FGF14: variants seen among roughly 807,000 people sequenced by gnomAD.
FGF14 encodes fibroblast growth factor homologous factor 4.
FGF14 carries 5 observed loss-of-function variants against 25.5 expected under a neutral mutation model. The ratio of observed to expected loss-of-function variants is 0.20; its 90% confidence interval spans 0.10 to 0.41. The LOEUF is 0.41. Ranked by LOEUF, FGF14 falls within the 10% of genes least tolerant of loss-of-function variation. The pLI is 1.00. For missense variants in FGF14, 222 were observed against 320.1 expected, an observed-to-expected ratio of 0.69 and a Z score of 2.34; for synonymous variants, 138 against 118.3, an observed-to-expected ratio of 1.17 and a Z score of -1.08.
chr13:102,378,140 A>G (rs1041237707), intron 1 of FGF14, among the ~76,000 whole-genome samples: 4 of 152,180 alleles, frequency 2.6e-5, no homozygotes, highest in African/African-American at 9.7e-5. Flanking sequence ...TACATTATAT[A>G]TTTGTCTAAA....
chr13:102,369,504 G>T (rs2057813919), intron 1 of FGF14, among the ~76,000 whole-genome samples: 1 of 152,188 alleles, frequency 6.6e-6, no homozygotes, highest in Non-Finnish European at 1.5e-5. Context: ...TCGATGCTGA[G>T]TCATGGTGAC....
intron 1 of FGF14, among the ~76,000 whole-genome samples, chr13:102,161,662 A>AT (rs1566765427): frequency 0.044 from 1,127 of 25,692 alleles, 70 homozygotes; most frequent in East Asian, 0.14. Context: ...GAAGAAGAAG[A>AT]AGAAGAAGAA....
At chr13:101,731,732 A>G (rs900137627) in intron 3 of FGF14, among the ~76,000 whole-genome samples, 1 of 152,188 alleles carries the variant, frequency 6.6e-6, no homozygotes, top group Non-Finnish European at 1.5e-5. Flanking sequence ...CTCAGAATTG[A>G]AAGTGACCTT....
intron 1 of FGF14, among the ~76,000 whole-genome samples, chr13:101,942,673 T>C (rs2035532360): frequency 6.6e-6 from 1 of 152,196 alleles, no homozygotes; most frequent in South Asian, 2.1e-4. Flanking sequence ...CAGATTATCA[T>C]TTTACTCTGA....
chr13:102,081,298 T>C lies in FGF14; in HGVS notation c.209-206002A>G, dbSNP rs886960141. Reference sequence around the variant, plus strand: ...GGCACAAATCCCTTGAAACTCTGAGTAGATGCCTGAGGTGTTTAAGAATGT... The same window carrying C: ...GGCACAAATCCCTTGAAACTCTGAGCAGATGCCTGAGGTGTTTAAGAATGT... On this transcript the variant is annotated intron_variant, in intron 1 of 4. Coordinates refer to the FGF14 transcript ENST00000376131. 4.6e-5 allele frequency among the ~76,000 whole-genome samples: 7 copies of C among 152,154 alleles called. No homozygotes were observed. The East Asian group carries it at 1.3e-3, about 29-fold the overall frequency.
intron 1 of FGF14, among the ~76,000 whole-genome samples, chr13:102,068,215 A>C (rs1370116068): frequency 1.3e-5 from 2 of 152,232 alleles, no homozygotes; most frequent in African/African-American, 4.8e-5. Context: ...AAACATCTGA[A>C]ATAAACAATC....
At chr13:101,928,834 T>G (rs2034551471) in intron 1 of FGF14, among the ~76,000 whole-genome samples, 1 of 119,922 alleles carries the variant, frequency 8.3e-6, no homozygotes, top group South Asian at 2.4e-4. Flanking sequence ...AGAGCATTTC[T>G]GGAACATGGC....
Position 101,721,664 on chromosome 13 carries a change from A to AAT in FGF14, c.*1165_*1166dup, listed in dbSNP as rs1173214561. The AAT allele has an allele frequency of 2.6e-5, 4 of 151,802 alleles. No homozygotes were observed. The highest frequency in any genetic ancestry group is 9.7e-5 in the African/African-American group (4 of 41,140). 9.4% of individuals were successfully genotyped at this position (151,802 alleles called of 1,614,324 possible). On this transcript the variant is annotated 3_prime_UTR_variant, in exon 5 of 5. Coordinates refer to ENST00000376143, the MANE Select transcript of FGF14 (RefSeq NM_004115.4). ...ACACCAAAAATATTAAAGTCTAATT[A>AAT]ATTTATAACTAACGTTTGCATTGCT...
intron 3 of FGF14, among the ~76,000 whole-genome samples, chr13:101,741,601 A>G (rs1056315731): frequency 6.6e-6 from 1 of 151,354 alleles, no homozygotes; most frequent in Admixed American, 6.6e-5. Flanking sequence ...CTAAACCTTT[A>G]AAAATAGTTG....
chr13:102,238,492 C>T (rs2051433716), intron 1 of FGF14, among the ~76,000 whole-genome samples: 1 of 152,190 alleles, frequency 6.6e-6, no homozygotes, highest in African/African-American at 2.4e-5. Flanking sequence ...ATTTATATAT[C>T]TCACATCTCA....
chr13:101,727,052 G>A (rs1428482278), intron 3 of FGF14, among the ~76,000 whole-genome samples: 1 of 152,020 alleles, frequency 6.6e-6, no homozygotes, highest in Non-Finnish European at 1.5e-5. Flanking sequence ...AACAATACAT[G>A]AGCAAACTAA....
chr13:101,750,818 C>G (rs1000586315), intron 3 of FGF14, among the ~76,000 whole-genome samples: 2 of 152,022 alleles, frequency 1.3e-5, no homozygotes, highest in Non-Finnish European at 2.9e-5. Flanking sequence ...GGGGAATATA[C>G]AAACAAGCTT....
intron 3 of FGF14, among the ~76,000 whole-genome samples, chr13:101,862,718 A>G (rs1230683914): frequency 1.3e-5 from 2 of 152,130 alleles, no homozygotes; most frequent in Admixed American, 1.3e-4. Flanking sequence ...CATTAGGGGG[A>G]AAATTAGCTG....
At chr13:102,074,877 TC>T (rs2043297032) in intron 1 of FGF14, among the ~76,000 whole-genome samples, 1 of 152,094 alleles carries the variant, frequency 6.6e-6, no homozygotes, top group African/African-American at 2.4e-5. Flanking sequence ...AATTCAACAT[TC>T]TCTTATGATA....
At chr13:102,321,167 C>T (rs991590686) in intron 1 of FGF14, among the ~76,000 whole-genome samples, 1 of 152,094 alleles carries the variant, frequency 6.6e-6, no homozygotes, top group African/African-American at 2.4e-5. Flanking sequence ...GGACAGACCC[C>T]TTCATTGCAA....
At chr13:102,149,772 C>T (rs938541912) in intron 1 of FGF14, among the ~76,000 whole-genome samples, 14 of 152,124 alleles carry the variant, frequency 9.2e-5, no homozygotes, top group African/African-American at 2.4e-4. Context: ...GGCAGAGCTC[C>T]GGAAGCCTTG....
chr13:102,047,667 C>T (rs148221918), intron 1 of FGF14, among the ~76,000 whole-genome samples: 4,881 of 150,178 alleles, frequency 0.033, 255 homozygotes, highest in African/African-American at 0.11. Flanking sequence ...CATCACACAC[C>T]GGGGCCTGTT....
intron 1 of FGF14, among the ~76,000 whole-genome samples, chr13:102,075,757 G>A (rs998717187): frequency 3.9e-5 from 6 of 152,294 alleles, no homozygotes; most frequent in East Asian, 1.9e-4. Flanking sequence ...AGTTCCATGC[G>A]TGTGATTGCT....
chr13:102,385,771 A>G (rs572326022), intron 1 of FGF14, among the ~76,000 whole-genome samples: 1 of 152,236 alleles, frequency 6.6e-6, no homozygotes, highest in East Asian at 1.9e-4. Flanking sequence ...AAACACTTAA[A>G]ATTTTGTCCC....
Sources: gnomAD v4.1 joint callset for allele counts (sites outside exome capture counted in the v4.1 genomes callset) on GRCh38, gnomAD v4.1.1 for gene constraint, MANE v1.5 for transcripts, NCBI Gene and HGNC (gene_info 2026-07-23, HGNC 2026-07-21) for gene names.